PLEKHG4B: variants seen among roughly 807,000 people sequenced by gnomAD.
PLEKHG4B encodes pleckstrin homology domain-containing family G member 4B.
In PLEKHG4B, 111 loss-of-function variants were observed where a neutral mutation model predicts 121.3. The ratio of observed to expected loss-of-function variants is 0.92; its 90% CI spans 0.78 to 1.07. The LOEUF (loss-of-function observed/expected upper bound fraction) is 1.07. Among genes scored for constraint, PLEKHG4B ranks in the 50% least tolerant of loss-of-function variants. PLEKHG4B has a pLI of 0.00. For missense variants in PLEKHG4B, 1,831 were observed against 1,757.8 expected (o/e 1.04, Z -0.74); for synonymous variants, 738 against 725.0 (o/e 1.02, Z -0.29).
At chr5:134,107 A>G (rs1237540556) in intron 2 of PLEKHG4B, among the ~76,000 whole-genome samples, 1 of 125,872 alleles carries the variant, frequency 7.9e-6, no homozygotes, top group African/African-American at 3.2e-5. Context: ...ATATATATAT[A>G]TATATATATA....
intron 18 of PLEKHG4B, 120 bp downstream of exon 18, chr5:174,218 AG>A (rs1736678943): frequency 1.6e-6 from 1 of 621,604 alleles, no homozygotes; most frequent in African/African-American, 2.5e-5. Context: ...GCTGGGGGCC[AG>A]GGCTAGAGCT....
At chr5:132,173 G>T (rs554435283) in intron 2 of PLEKHG4B, among the ~76,000 whole-genome samples, 1 of 149,800 alleles carries the variant, frequency 6.7e-6, no homozygotes, top group African/African-American at 2.5e-5. Context: ...GAGGAGTTAC[G>T]CAAGGAAAAA....
At position 137,858 on chromosome 5, in the gene PLEKHG4B, T is replaced by C. The variant is rs1236064459; in HGVS notation, c.244-1625T>C. 6.6e-6 allele frequency among the ~76,000 whole-genome samples: 1 copy of C among 152,214 alleles called. No individual in the cohort carries two copies. The highest frequency in any genetic ancestry group is 6.5e-5 in the Admixed American group (1 of 15,286). Reference sequence around the variant, plus strand: ...TATGGACCGGCAGGTACCTGTCTCTTCTGGGGTGAAACCTGTGGAGGGGAT... The same window carrying C: ...TATGGACCGGCAGGTACCTGTCTCTCCTGGGGTGAAACCTGTGGAGGGGAT... On this transcript the variant is annotated intron_variant, in intron 2 of 19. Coordinates refer to ENST00000637938, the MANE Select transcript of PLEKHG4B (RefSeq NM_052909.5). This position sits in a 1 kb window ranked among gnomAD's most constrained non-coding sequence, Gnocchi z 4.2.
intron 2 of PLEKHG4B, among the ~76,000 whole-genome samples, chr5:138,072 C>T (rs1178610842): frequency 6.6e-6 from 1 of 152,216 alleles, no homozygotes; most frequent in Non-Finnish European, 1.5e-5. Context: ...GGAGCAGCTC[C>T]AGGGCCCACC....
chr5:182,587 G>A lies in PLEKHG4B; in HGVS notation c.*264G>A. Reference sequence around the variant, plus strand: ...AGCATAGGAAACAGACCTAAAACAAGACAAAAAAAGACTAAACATGAAACA... The same window carrying A: ...AGCATAGGAAACAGACCTAAAACAAAACAAAAAAAGACTAAACATGAAACA... On this transcript the variant is annotated 3_prime_UTR_variant, in exon 20 of 20. Transcript: ENST00000637938. 1 of 443,722 alleles carries A rather than the reference G, an allele frequency of 2.3e-6. No homozygotes were observed. The highest frequency in any genetic ancestry group is 4.0e-6 in the Non-Finnish European group (1 of 247,614). 27.5% of individuals were successfully genotyped at this position (443,722 alleles called of 1,614,324 possible).
At chr5:150,278 C>T (rs1735564418) in intron 6 of PLEKHG4B, among the ~76,000 whole-genome samples, 1 of 152,208 alleles carries the variant, frequency 6.6e-6, no homozygotes. Context: ...AAACATTCCA[C>T]TTCTATGAGT....
At chr5:126,681 G>C (rs111606674) in intron 2 of PLEKHG4B, among the ~76,000 whole-genome samples, 10 of 152,246 alleles carry the variant, frequency 6.6e-5, no homozygotes, top group South Asian at 4.1e-4. Context: ...TTATGTTGTT[G>C]AAGCGGCACT....
rs113750000 is a variant in PLEKHG4B, at chr5:178,099, G to A, written c.4403-3415G>A. 9.3e-3 allele frequency among the ~76,000 whole-genome samples: 1,416 copies of A among 152,284 alleles called. 12 individuals are homozygous for A. The highest frequency in any genetic ancestry group is 0.054 in the Middle Eastern group (16 of 294). On this transcript the variant is annotated intron_variant, in intron 18 of 19. Transcript: ENST00000637938. ...GAAATTGTATGCATCCCCATCTGAG[G>A]CTTTCTTCCCTTTTCTGGTGGGGTC...
chr5:118,825 T>G (rs1249030658), intron 2 of PLEKHG4B, among the ~76,000 whole-genome samples: 1 of 147,700 alleles, frequency 6.8e-6, no homozygotes, highest in Non-Finnish European at 1.5e-5. Context: ...TAGAGGATAT[T>G]GGAGAGCCCA....
chr5:172,012 G>C (rs1447899367), intron 16 of PLEKHG4B, among the ~76,000 whole-genome samples: 1 of 152,242 alleles, frequency 6.6e-6, no homozygotes, highest in Admixed American at 6.5e-5. Context: ...CCACGGGTGA[G>C]CTGAGAAATG....
chr5:119,999 G>A (rs1435118589), intron 2 of PLEKHG4B, among the ~76,000 whole-genome samples: 2 of 152,218 alleles, frequency 1.3e-5, no homozygotes, highest in African/African-American at 4.8e-5. Flanking sequence ...TGTAATCCCA[G>A]CACTTTGCAA....
rs1177824196 is a variant in PLEKHG4B, at chr5:133,860, A to C, written c.244-5623A>C. ...TTATAGCAGTACAATTTGCAACTGC[A>C]AAAATATGAACCCAGCTCAAATGCC... is the stretch of plus-strand genomic sequence containing the variant. On this transcript the variant is annotated intron_variant, in intron 2 of 19. Coordinates refer to ENST00000637938, the MANE Select transcript of PLEKHG4B (RefSeq NM_052909.5). 2.6e-5 allele frequency among the ~76,000 whole-genome samples: 4 copies of C among 151,480 alleles called. No homozygotes were observed. The East Asian group carries it at 7.8e-4, about 29-fold the overall frequency.
chr5:141,335 C>T (rs2126401265), intron 3 of PLEKHG4B, among the ~76,000 whole-genome samples: 1 of 142,578 alleles, frequency 7.0e-6, no homozygotes, highest in African/African-American at 2.7e-5. Context: ...GTTCTGGAGA[C>T]CACAAGTCCA....
At chr5:94,683 C>G (rs1733579912) in intron 1 of PLEKHG4B, among the ~76,000 whole-genome samples, 1 of 151,732 alleles carries the variant, frequency 6.6e-6, no homozygotes, top group Non-Finnish European at 1.5e-5. Flanking sequence ...CAGAAGGCAC[C>G]CAACATTTCC....
intron 2 of PLEKHG4B, among the ~76,000 whole-genome samples, chr5:114,795 A>C: frequency 6.6e-6 from 1 of 152,166 alleles, no homozygotes; most frequent in East Asian, 1.9e-4. Context: ...ATTTATCCTG[A>C]GATTGCAGCA....
intron 18 of PLEKHG4B, among the ~76,000 whole-genome samples, 178 bp from the exon 19 acceptor site, chr5:181,336 C>T (rs1443913141): frequency 2.6e-5 from 4 of 152,150 alleles, no homozygotes; most frequent in Non-Finnish European, 5.9e-5. Context: ...TCTTTGGTGC[C>T]GAAAACCGGA....
chr5:120,027 G>A (rs753884622), intron 2 of PLEKHG4B, among the ~76,000 whole-genome samples: 5 of 152,102 alleles, frequency 3.3e-5, no homozygotes, highest in Admixed American at 6.5e-5. Flanking sequence ...GGGGAGAATC[G>A]CTTGAGCCCA....
Position 169,431 on chromosome 5 carries a change from G to T in PLEKHG4B, c.3568G>T (p.Glu1190Ter). Residue 1190 changes from glutamate (E) to a stop codon, truncating the protein, a stop_gained, in exon 14 of 20, where the codon GAA becomes TAA. Coordinates refer to ENST00000637938, the MANE Select transcript of PLEKHG4B (RefSeq NM_052909.5). LOFTEE classifies it high-confidence loss of function. ...LGYVIDNYFP[E>*]MERMDLPQGL... is the part of the protein sequence containing the mutation. ...ATACGTCATTGACAACTATTTTCCA[G>T]AAATGGAAAGAATGGACTTGCCCCA... 1 of 1,614,220 alleles carries T rather than the reference G, an allele frequency of 6.2e-7. No homozygotes were observed. Among genetic ancestry groups the T allele is most frequent in the Non-Finnish European group, 8.5e-7 (1 of 1,180,048 alleles).
chr5:140,735 C>G lies in PLEKHG4B; in HGVS notation c.1477+19C>G. 6.5e-7 allele frequency: 1 copy of G among 1,527,968 alleles called. No individual in the cohort carries two copies. Among genetic ancestry groups the G allele is most frequent in the Non-Finnish European group, 8.8e-7 (1 of 1,139,806 alleles). The allele number at this position is 1,527,968 out of a possible 1,614,324, so 94.7% of individuals were successfully genotyped here. A position where few individuals can be genotyped will look rare whatever the true frequency, so the allele number is the denominator to read the frequency against. ...GAGGAAGGTAAATGCTCCCCACGCCCTCCCCTGCGCACCCCCACAACCTCC... is the reference window on the plus strand; with the variant it reads ...GAGGAAGGTAAATGCTCCCCACGCCGTCCCCTGCGCACCCCCACAACCTCC... On this transcript the variant is annotated intron_variant, in intron 3 of 19. Coordinates refer to ENST00000637938, the MANE Select transcript of PLEKHG4B (RefSeq NM_052909.5).
Sources: gnomAD v4.1 joint callset for allele counts (sites outside exome capture counted in the v4.1 genomes callset) on GRCh38, gnomAD v4.1.1 for gene constraint, Gnocchi (gnomAD v3.1) non-coding constraint, MANE v1.5 for transcripts, NCBI Gene and HGNC (gene_info 2026-07-23, HGNC 2026-07-21) for gene names.